The following USP6NL variants were observed in gnomAD, a reference collection of about 807,000 sequenced individuals.
USP6NL encodes the protein USP6 N-terminal-like protein.
USP6NL carries 26 observed loss-of-function variants against 61.9 expected under a neutral mutation model. The observed-to-expected ratio is 0.42, with a 90% CI of 0.31 to 0.58. USP6NL has a LOEUF of 0.58. USP6NL is among the 20% of genes least tolerant of loss of function. The probability of loss-of-function intolerance (pLI) is 0.16; values close to 1 mark genes in which losing one functional copy is unlikely to be tolerated. For missense variants in USP6NL, 1,114 were observed against 1,034.3 expected (o/e 1.08, Z -1.06); for synonymous variants, 432 against 390.1 (o/e 1.11, Z -1.27).
rs1366308682 is a variant in USP6NL, at chr10:11,513,091, A to T, written c.196-3416T>A. ...GATATGTTCATGTTTTTATCACCTA[A>T]AACAGTGGTTGTTATATAAGAAAAG... On this transcript the variant is annotated intron_variant, in intron 5 of 14. Transcript: ENST00000609104. The surrounding 1 kb of genome is among the most constrained non-coding windows in gnomAD (Gnocchi z 4.7). Among the ~76,000 whole-genome samples, 2 of 152,212 alleles carry T rather than the reference A, an allele frequency of 1.3e-5. No homozygotes were observed. Among genetic ancestry groups the T allele is most frequent in the Non-Finnish European group, 2.9e-5 (2 of 68,030 alleles).
rs758083508 is a variant in USP6NL, at chr10:11,596,568, G to A, written c.4+1063C>T. 6.6e-6 allele frequency among the ~76,000 whole-genome samples: 1 copy of A among 151,608 alleles called. No homozygotes were observed. The highest frequency in any genetic ancestry group is 1.5e-5 in the Non-Finnish European group (1 of 67,948). ...GAACCCAGGAGGTGGAGCTTGCAGT[G>A]AGCGGAGATGGTGCCACTGCACTGC... On this transcript the variant is annotated intron_variant, in intron 2 of 14. Transcript: ENST00000609104. This position sits in a 1 kb window ranked among gnomAD's most constrained non-coding sequence, Gnocchi z 4.1.
chr10:11,471,134 G>A (rs1202826245), intron 14 of USP6NL, among the ~76,000 whole-genome samples: 1 of 152,082 alleles, frequency 6.6e-6, no homozygotes, highest in East Asian at 1.9e-4. Context: ...GCAGTGAGCC[G>A]AGAACGCCAC....
intron 7 of USP6NL, among the ~76,000 whole-genome samples, chr10:11,497,883 G>A (rs1025683839): frequency 2.0e-5 from 3 of 152,076 alleles, no homozygotes; most frequent in Non-Finnish European, 4.4e-5. Flanking sequence ...TTTAAAAAAT[G>A]GGATCAAATG....
In USP6NL at chr10:11,517,936, C is replaced by T. The variant is rs892151425; in HGVS notation, c.195+599G>A. 7.9e-5 allele frequency among the ~76,000 whole-genome samples: 12 copies of T among 152,174 alleles called. 1 individual carries two copies. In the South Asian group the frequency reaches 1.9e-3, roughly 24 times the overall value. The stretch of plus-strand genomic sequence containing the variant: ...AGATTTCGGACAACCTTAAAACATT[C>T]CGTCACTACTTCAAACGCATGCCTG... On this transcript the variant is annotated intron_variant, in intron 5 of 14. Transcript: ENST00000609104.
chr10:11,483,939 A>G (rs1435018748), intron 13 of USP6NL, among the ~76,000 whole-genome samples: 2 of 152,158 alleles, frequency 1.3e-5, no homozygotes, highest in African/African-American at 2.4e-5. Context: ...TAAAGTATGG[A>G]TAATCTGGCA....
At chr10:11,493,465 C>T (rs978906009) in intron 7 of USP6NL, among the ~76,000 whole-genome samples, 2 of 152,192 alleles carry the variant, frequency 1.3e-5, no homozygotes, top group Admixed American at 6.5e-5. Context: ...TCTCTTCCAT[C>T]CTGTCTATCT....
chr10:11,497,425 A>G (rs1176146489), intron 7 of USP6NL, among the ~76,000 whole-genome samples: 1 of 151,366 alleles, frequency 6.6e-6, no homozygotes, highest in African/African-American at 2.4e-5. Flanking sequence ...AAAAAAAAAA[A>G]AAGAAAGAAA....
Position 11,468,414 on chromosome 10 carries a change from C to T in USP6NL, c.1079-4565G>A, listed in dbSNP as rs957012358. 6.6e-6 allele frequency among the ~76,000 whole-genome samples: 1 copy of T among 152,214 alleles called. No homozygotes were observed. Among genetic ancestry groups the T allele is most frequent in the Non-Finnish European group, 1.5e-5 (1 of 68,040 alleles). Reference sequence around the variant, plus strand: ...TTATTCAAATGTTCTCATTCTAAAACCTCTTTTTCACTGAAAACATGGAAG... The same window carrying T: ...TTATTCAAATGTTCTCATTCTAAAATCTCTTTTTCACTGAAAACATGGAAG... On this transcript the variant is annotated intron_variant, in intron 14 of 14. Coordinates refer to ENST00000609104, the MANE Select transcript of USP6NL (RefSeq NM_014688.5). The surrounding 1 kb of genome is among the most constrained non-coding windows in gnomAD (Gnocchi z 4.5).
chr10:11,580,867 TGATGGATGGATG>T (rs112761648), intron 2 of USP6NL, among the ~76,000 whole-genome samples: 2,426 of 149,850 alleles, frequency 0.016, 55 homozygotes, highest in African/African-American at 0.055. Flanking sequence ...AACGGATAGA[TGATGGATGGATG>T]GATGGATGGA....
chr10:11,517,952 C>G (rs557799163), intron 5 of USP6NL, among the ~76,000 whole-genome samples: 1 of 152,290 alleles, frequency 6.6e-6, no homozygotes, highest in African/African-American at 2.4e-5. Context: ...CTACTTCAAA[C>G]GCATGCCTGG....
rs1420692331 is a variant in USP6NL at position 11,463,104 on chromosome 10, C to T, written c.1824G>A (p.Gln608=). The T allele has an allele frequency of 3.7e-6, 6 of 1,613,896 alleles. No homozygotes were observed. The highest frequency in any genetic ancestry group is 1.7e-5 in the Admixed American group (1 of 60,002). ...KVSNKFTFKV[Q]PPSHARYPSQ... is the part of the protein sequence containing the mutation. ...ACGGATATCGTGCATGACTTGGAGG[C>T]TGTACTTTAAAAGTAAACTTGTTGG... is the stretch of plus-strand genomic sequence containing the variant. The change falls in exon 15 of 15, where the codon CAG becomes CAA. Residue 608 remains glutamine (Q), a synonymous_variant. Transcript: ENST00000609104. The surrounding 1 kb of genome is among the most constrained non-coding windows in gnomAD (Gnocchi z 6.3).
intron 2 of USP6NL, chr10:11,573,403 C>T: frequency 2.7e-6 from 1 of 373,892 alleles, no homozygotes; most frequent in Non-Finnish European, 4.7e-6. Context: ...TAATATCCCC[C>T]TAATTTTTGT....
At position 11,463,613 on chromosome 10, in the gene USP6NL, C is replaced by T; in HGVS notation, c.1315G>A (p.Glu439Lys). The change falls in exon 15 of 15, where the codon GAG (glutamate) becomes AAG (lysine). Residue 439 changes from glutamate to lysine, a missense_variant. By Grantham distance (56) the Glu-to-Lys change is moderately conservative. Transcript: ENST00000609104. The surrounding 1 kb of genome is among the most constrained non-coding windows in gnomAD (Gnocchi z 6.3). ...GCCTCATCTTTAAGCTTTTTGCTCT[C>T]CTCCTCCACCGATTTCCGTCTTGGC... Reference protein sequence around the residue: ...QPPRRKSVEEESKKLKDEADF... With the variant: ...QPPRRKSVEEKSKKLKDEADF... 3 of 1,613,974 alleles carry T rather than the reference C, an allele frequency of 1.9e-6. No individual in the cohort carries two copies. Among genetic ancestry groups the T allele is most frequent in the Non-Finnish European group, 2.5e-6 (3 of 1,179,882 alleles).
chr10:11,557,715 T>G (rs542399049), intron 2 of USP6NL, among the ~76,000 whole-genome samples: 4 of 152,120 alleles, frequency 2.6e-5, no homozygotes, highest in Admixed American at 6.5e-5. Context: ...ACAGAGACTC[T>G]AGTGCATGAG....
intron 2 of USP6NL, among the ~76,000 whole-genome samples, chr10:11,559,348 T>C (rs1836835367): frequency 6.6e-6 from 1 of 152,136 alleles, no homozygotes. Flanking sequence ...ATCATAAAAA[T>C]AAGGATATAG....
rs144586754 is a variant in USP6NL at position 11,488,088 on chromosome 10, G to T, written c.664+1014C>A. Among the ~76,000 whole-genome samples the T allele has an allele frequency of 9.4e-4, 143 of 152,216 alleles. 1 individual carries two copies. The highest frequency in any genetic ancestry group is 3.4e-3 in the African/African-American group (141 of 41,532). ...CTGGGAAAATAATTTTGCATTATAT[G>T]AACAAATGCCACTTTTATTTCCAAG... On this transcript the variant is annotated intron_variant, in intron 10 of 14. Transcript: ENST00000609104.
chr10:11,606,126 A>T (rs1200078993), intron 1 of USP6NL, among the ~76,000 whole-genome samples: 4 of 152,210 alleles, frequency 2.6e-5, no homozygotes, highest in Non-Finnish European at 4.4e-5. Context: ...AAAACCATAA[A>T]AACAGCCTGA....
chr10:11,463,615 T>C lies in USP6NL; in HGVS notation c.1313A>G (p.Glu438Gly), dbSNP rs376354519. The change falls in exon 15 of 15, where the codon GAG becomes GGG. Residue 438 changes from glutamate (E) to glycine (G), a missense_variant. Physicochemically the swap from Glu to Gly is moderately conservative, Grantham distance 98. Transcript: ENST00000609104. This position sits in a 1 kb window ranked among gnomAD's most constrained non-coding sequence, Gnocchi z 6.3. ...CTCATCTTTAAGCTTTTTGCTCTCC[T>C]CCTCCACCGATTTCCGTCTTGGCGG... The part of the protein sequence containing the change: ...AQPPRRKSVE[E>G]ESKKLKDEAD... The C allele has an allele frequency of 9.9e-6, 16 of 1,613,960 alleles. 1 individual carries two copies. In the Middle Eastern group the frequency reaches 8.2e-4, roughly 83 times the overall value.
At position 11,489,282 on chromosome 10, in the gene USP6NL, C is replaced by A; in HGVS notation, c.544-60G>T. 1.9e-6 allele frequency: 3 copies of A among 1,587,482 alleles called. No individual in the cohort carries two copies. The highest frequency in any genetic ancestry group is 2.6e-6 in the Non-Finnish European group (3 of 1,164,734). ...TTCAGTCGAATTACATGCATATGTA[C>A]AGAGAAAAAGCTACTCTATAAAAAC... On this transcript the variant is annotated intron_variant, in intron 9 of 14. Coordinates refer to ENST00000609104, the MANE Select transcript of USP6NL (RefSeq NM_014688.5). The surrounding 1 kb of genome is among the most constrained non-coding windows in gnomAD (Gnocchi z 5.7).
Sources: allele counts gnomAD v4.1 joint callset (sites outside exome capture counted in the v4.1 genomes callset), GRCh38; gene constraint gnomAD v4.1.1; non-coding constraint Gnocchi (gnomAD v3.1); transcripts MANE v1.5; gene names NCBI Gene and HGNC (gene_info 2026-07-23, HGNC 2026-07-21).